Variants in B3GALNT1 observed in about 807,000 individuals in gnomAD.
B3GALNT1 encodes UDP-GalNAc:beta-1,3-N-acetylgalactosaminyltransferase 1.
Under a neutral mutation model 27.3 loss-of-function variants are expected in B3GALNT1, and 17 were observed. The observed-to-expected ratio is 0.62, with a 90% CI of 0.43 to 0.94. The LOEUF (loss-of-function observed/expected upper bound fraction) is 0.94. Ranked by LOEUF, B3GALNT1 falls within the 40% of genes least tolerant of loss-of-function variation. The probability of loss-of-function intolerance (pLI) is 0.00; values close to 1 mark genes in which losing one functional copy is unlikely to be tolerated. For synonymous variants in B3GALNT1, 141 were observed against 144.0 expected, an observed-to-expected ratio of 0.98 and a Z score of 0.15; for missense variants, 347 against 390.0, an observed-to-expected ratio of 0.89 and a Z score of 0.93.
At position 161,093,379 on chromosome 3, in the gene B3GALNT1, CCT is replaced by C. The variant is rs548460667; in HGVS notation, c.-34-6593_-34-6592del. Among the ~76,000 whole-genome samples the C allele has an allele frequency of 1.6e-4, 24 of 152,250 alleles. No homozygotes were observed. The South Asian group carries it at 5.0e-3, about 32-fold the overall frequency. ...ATAAATAAGGGCTCAATTGAAGTGG[CCT>C]CTGTGTTCATAGCATGTGTGTATCA... On this transcript the variant is annotated intron_variant, in intron 4 of 4. Coordinates refer to ENST00000320474, the MANE Select transcript of B3GALNT1 (RefSeq NM_003781.4).
rs1721120520 is a variant in B3GALNT1, at chr3:161,085,331, A to T, written c.*428T>A. 6.3e-6 allele frequency: 1 copy of T among 159,244 alleles called. No individual in the cohort carries two copies. The highest frequency in any genetic ancestry group is 1.4e-5 in the Non-Finnish European group (1 of 72,566). 9.9% of individuals were successfully genotyped at this position (159,244 alleles called of 1,614,324 possible). ...CTTCAGTGAAGAAGTTTTTTGACACAGAACTACATATATTTTTAAATTGGT... is the reference window on the plus strand; with the variant it reads ...CTTCAGTGAAGAAGTTTTTTGACACTGAACTACATATATTTTTAAATTGGT... On this transcript the variant is annotated 3_prime_UTR_variant, in exon 5 of 5. Coordinates refer to ENST00000320474, the MANE Select transcript of B3GALNT1 (RefSeq NM_003781.4).
chr3:161,095,082 G>A (rs1005964160), intron 4 of B3GALNT1, among the ~76,000 whole-genome samples: 4 of 151,844 alleles, frequency 2.6e-5, no homozygotes, highest in South Asian at 2.1e-4. Context: ...TCCTCCCACC[G>A]CAGCCTCCCA....
In B3GALNT1 at chr3:161,098,137, T is replaced by C. The variant is rs1005028686; in HGVS notation, c.-35+3002A>G. ...AAGTATGTTTTATATTTCCATTCGT[T>C]TGATGACTGCCGCAATCTTATGAAG... On this transcript the variant is annotated intron_variant, in intron 4 of 4. Transcript: ENST00000320474. Among the ~76,000 whole-genome samples the C allele has an allele frequency of 2.0e-4, 31 of 152,184 alleles. 1 individual carries two copies. Among genetic ancestry groups the C allele is most frequent in the Admixed American group, 2.0e-3 (30 of 15,278 alleles).
At chr3:161,094,744 T>A (rs1308523703) in intron 4 of B3GALNT1, among the ~76,000 whole-genome samples, 2 of 152,034 alleles carry the variant, frequency 1.3e-5, no homozygotes, top group Non-Finnish European at 2.9e-5. Context: ...GCAGTGGCCA[T>A]TCACAGGCAC....
rs138065889 is a variant in B3GALNT1 at position 161,101,554 on chromosome 3, T to C, written c.-129-321A>G. Among the ~76,000 whole-genome samples, 800 of 152,260 alleles carry C rather than the reference T, an allele frequency of 5.3e-3. 4 individuals carry two copies. Among genetic ancestry groups the C allele is most frequent in the Middle Eastern group, 0.01 (3 of 294 alleles). ...CAGACAGACAAGCCCTGTCCTCAAG[T>C]TGCCGACACTCAATGCAGAGCGTGG... is the stretch of plus-strand genomic sequence containing the variant. On this transcript the variant is annotated intron_variant, in intron 3 of 4. Transcript: ENST00000320474.
intron 4 of B3GALNT1, among the ~76,000 whole-genome samples, chr3:161,097,628 G>A (rs533734328): frequency 2.0e-4 from 31 of 152,214 alleles, no homozygotes; most frequent in Non-Finnish European, 4.1e-4. Flanking sequence ...TCTGGGTTCC[G>A]CCTCTGCACA....
At chr3:161,100,135 T>C (rs1730423403) in intron 4 of B3GALNT1, among the ~76,000 whole-genome samples, 2 of 152,198 alleles carry the variant, frequency 1.3e-5, no homozygotes, top group Non-Finnish European at 2.9e-5. Context: ...CCAAAGATAG[T>C]GTTATTCTAA....
At position 161,086,205 on chromosome 3, in the gene B3GALNT1, A is replaced by C; in HGVS notation, c.550T>G (p.Phe184Val). ...TTCACTAAATTGCCAGTATTGATGA[A>C]AACATCAGTGTCTGTCTTCATTACG... ...KYVMKTDTDV[F>V]INTGNLVKYL... Residue 184 changes from phenylalanine (F) to valine (V), a missense_variant, in exon 5 of 5, where the codon TTC becomes GTC. By Grantham distance (50) the Phe-to-Val change is conservative. Transcript: ENST00000320474. The C allele has an allele frequency of 6.2e-7, 1 of 1,614,102 alleles. No individual in the cohort carries two copies. Among genetic ancestry groups the C allele is most frequent in the Non-Finnish European group, 8.5e-7 (1 of 1,179,988 alleles).
At chr3:161,104,574 C>CT in intron 1 of B3GALNT1, 168 bp from the exon 2 acceptor site, 1 of 354,620 alleles carries the variant, frequency 2.8e-6, no homozygotes, top group South Asian at 2.2e-5. Context: ...CTCTAGGAAT[C>CT]TTTTTAAAAC....
intron 4 of B3GALNT1, 150 bp downstream of exon 4, chr3:161,100,989 A>G: frequency 4.8e-6 from 2 of 419,506 alleles, no homozygotes; most frequent in South Asian, 3.8e-5. Context: ...AGAGGAAGAC[A>G]TGGAATCCAA....
At chr3:161,089,599 G>C (rs1443914340) in intron 4 of B3GALNT1, among the ~76,000 whole-genome samples, 1 of 152,060 alleles carries the variant, frequency 6.6e-6, no homozygotes, top group Non-Finnish European at 1.5e-5. Flanking sequence ...CTTCCAAATT[G>C]ATTGAGAAAT....
chr3:161,093,518 G>A (rs1357934991), intron 4 of B3GALNT1, among the ~76,000 whole-genome samples: 3 of 152,076 alleles, frequency 2.0e-5, no homozygotes, highest in African/African-American at 7.2e-5. Context: ...CAAGGACCCC[G>A]ACACTGTTCT....
chr3:161,094,403 G>T (rs937900566), intron 4 of B3GALNT1, among the ~76,000 whole-genome samples: 1 of 151,978 alleles, frequency 6.6e-6, no homozygotes, highest in Non-Finnish European at 1.5e-5. Flanking sequence ...CATACTGGAC[G>T]TCACTAGAAA....
chr3:161,092,757 A>ATT (rs1725875868), intron 4 of B3GALNT1, among the ~76,000 whole-genome samples: 11 of 111,408 alleles, frequency 9.9e-5, no homozygotes, highest in African/African-American at 2.8e-4. Flanking sequence ...CAAAAGTTTC[A>ATT]TTTTTCTTTT....
At chr3:161,093,421 G>C (rs761368687) in intron 4 of B3GALNT1, among the ~76,000 whole-genome samples, 2 of 152,132 alleles carry the variant, frequency 1.3e-5, no homozygotes, top group African/African-American at 2.4e-5. Flanking sequence ...AATCAAACTG[G>C]CCAGAGATCT....
chr3:161,089,710 C>A (rs1055790518), intron 4 of B3GALNT1, among the ~76,000 whole-genome samples: 1 of 151,764 alleles, frequency 6.6e-6, no homozygotes, highest in Admixed American at 6.6e-5. Context: ...AAGATGATGG[C>A]AGGAATAAAT....
At chr3:161,093,932 C>T (rs1240993046) in intron 4 of B3GALNT1, among the ~76,000 whole-genome samples, 1 of 152,174 alleles carries the variant, frequency 6.6e-6, no homozygotes, top group Non-Finnish European at 1.5e-5. Context: ...TCTTATCTAT[C>T]CCACCAACTT....
chr3:161,086,395 T>A lies in B3GALNT1; in HGVS notation c.360A>T (p.Gln120His). The A allele has an allele frequency of 6.2e-7, 1 of 1,614,120 alleles. No individual in the cohort carries two copies. Among genetic ancestry groups the A allele is most frequent in the Non-Finnish European group, 8.5e-7 (1 of 1,180,040 alleles). ...YEVLTFFLLG[Q>H]EAEKEDKMLA... ...ACATTTTGTCTTCCTTTTCAGCCTCTTGGCCTAATAAGAAAAATGTAAGAA... is the reference window on the plus strand; with the variant it reads ...ACATTTTGTCTTCCTTTTCAGCCTCATGGCCTAATAAGAAAAATGTAAGAA... Residue 120 changes from glutamine to histidine, a missense_variant, in exon 5 of 5, where the codon CAA becomes CAT. By Grantham distance (24) the Gln-to-His change is conservative. Coordinates refer to ENST00000320474, the MANE Select transcript of B3GALNT1 (RefSeq NM_003781.4).
intron 4 of B3GALNT1, among the ~76,000 whole-genome samples, chr3:161,094,349 T>G (rs1328843951): frequency 1.3e-5 from 2 of 152,170 alleles, no homozygotes; most frequent in Non-Finnish European, 2.9e-5. Flanking sequence ...GAACAGTAAC[T>G]AATTGTTCAT....
Sources: gnomAD v4.1 joint callset for allele counts (sites outside exome capture counted in the v4.1 genomes callset) on GRCh38, gnomAD v4.1.1 for gene constraint, MANE v1.5 for transcripts, NCBI Gene and HGNC (gene_info 2026-07-23, HGNC 2026-07-21) for gene names.